Variants in ATP10B observed in about 807,000 individuals in gnomAD.
The protein encoded by ATP10B is ATPase phospholipid transporting 10B (putative), also known as phospholipid-transporting ATPase VB.
ATP10B carries 122 observed loss-of-function variants against 141.2 expected under a neutral mutation model. The observed-to-expected ratio is 0.86, with a 90% CI of 0.75 to 1.00. The LOEUF (loss-of-function observed/expected upper bound fraction) is 1.00. Among genes scored for constraint, ATP10B ranks in the 50% least tolerant of loss-of-function variants. The probability of loss-of-function intolerance (pLI) is 0.00; values close to 1 mark genes in which losing one functional copy is unlikely to be tolerated. For synonymous variants in ATP10B, 685 were observed against 692.0 expected (o/e 0.99, Z 0.16); for missense variants, 1,876 against 1,825.3 (o/e 1.03, Z -0.51).
At chr5:160,577,057 C>G (rs540196112) in intron 24 of ATP10B, among the ~76,000 whole-genome samples, 1 of 152,208 alleles carries the variant, frequency 6.6e-6, no homozygotes, top group Non-Finnish European at 1.5e-5. Flanking sequence ...GCTTCCTTCT[C>G]TGAAGGTAAT....
intron 1 of ATP10B, among the ~76,000 whole-genome samples, chr5:160,823,059 G>A (rs1366678562): frequency 7.8e-6 from 1 of 128,918 alleles, no homozygotes; most frequent in Non-Finnish European, 1.6e-5. Flanking sequence ...TAATTGGATT[G>A]TAACACAAAG....
intron 1 of ATP10B, among the ~76,000 whole-genome samples, chr5:160,828,428 T>C (rs536254083): frequency 2.0e-4 from 30 of 152,236 alleles, no homozygotes; most frequent in East Asian, 5.8e-4. Context: ...AAAGAAGACA[T>C]TGATGCAGCC....
intron 3 of ATP10B, among the ~76,000 whole-genome samples, chr5:160,715,676 G>T (rs1280476616): frequency 8.1e-6 from 1 of 124,192 alleles, no homozygotes; most frequent in South Asian, 2.5e-4. Flanking sequence ...ATTTTGAGAA[G>T]AATTTAGCTT....
chr5:160,598,811 G>T lies in ATP10B; in HGVS notation c.3523C>A (p.Leu1175Met). The change falls in exon 22 of 26, where the codon CTG (leucine) becomes ATG (methionine). Residue 1175 changes from leucine to methionine, a missense_variant. By Grantham distance (15) the Leu-to-Met change is conservative. Coordinates refer to ENST00000327245, the MANE Select transcript of ATP10B (RefSeq NM_025153.3). Reference protein sequence around the residue: ...LDKDISAETLLALPELYKSGQ... With the variant: ...LDKDISAETLMALPELYKSGQ... Reference sequence around the variant, plus strand: ...CTCTTGTATAGCTCAGGCAATGCCAGGAGTGTTTCTGCAGAGATGTCTTTG... The same window carrying T: ...CTCTTGTATAGCTCAGGCAATGCCATGAGTGTTTCTGCAGAGATGTCTTTG... The T allele has an allele frequency of 6.2e-7, 1 of 1,614,156 alleles. No homozygotes were observed. Among genetic ancestry groups the T allele is most frequent in the Non-Finnish European group, 8.5e-7 (1 of 1,180,008 alleles).
At chr5:160,652,807 TA>T (rs1760873242) in intron 7 of ATP10B, among the ~76,000 whole-genome samples, 3 of 103,830 alleles carry the variant, frequency 2.9e-5, no homozygotes, top group Non-Finnish European at 5.3e-5. Flanking sequence ...ATATATTATA[TA>T]ATATATTATA....
chr5:160,843,514 A>G (rs78582583), intron 1 of ATP10B, among the ~76,000 whole-genome samples: 5,876 of 152,202 alleles, frequency 0.039, 130 homozygotes, highest in South Asian at 0.088. Flanking sequence ...TGACAAAAAA[A>G]AAAAGCTGTT....
intron 2 of ATP10B, among the ~76,000 whole-genome samples, chr5:160,755,838 AATATATAT>A (rs1181077522): frequency 0.011 from 510 of 45,388 alleles, 10 homozygotes; most frequent in South Asian, 0.018. Flanking sequence ...AAAAAAAAAA[AATATATAT>A]ATATATATAT....
At chr5:160,656,342 G>A (rs1020312736) in intron 7 of ATP10B, among the ~76,000 whole-genome samples, 4 of 152,128 alleles carry the variant, frequency 2.6e-5, no homozygotes, top group African/African-American at 9.7e-5. Context: ...CACTCCCACT[G>A]TGGGGCTTTG....
At chr5:160,803,140 A>G (rs1581561634) in intron 1 of ATP10B, among the ~76,000 whole-genome samples, 1 of 152,132 alleles carries the variant, frequency 6.6e-6, no homozygotes, top group Admixed American at 6.5e-5. Context: ...TTGACTAGCT[A>G]TATAACTTTA....
chr5:160,920,100 G>A, the ATP10B span, among the ~76,000 whole-genome samples: 1 of 152,138 alleles, frequency 6.6e-6, no homozygotes, highest in Admixed American at 6.5e-5. Flanking sequence ...CAGTGAGAGG[G>A]GCTCAGGACA....
At chr5:160,618,088 T>C (rs1240649633) in intron 15 of ATP10B, 115 bp from the exon 16 acceptor site, 3 of 839,526 alleles carry the variant, frequency 3.6e-6, no homozygotes, top group Non-Finnish European at 3.9e-6. Flanking sequence ...AAGGAATCCC[T>C]TACAGCCCAC....
chr5:160,792,719 ACT>A (rs573927613), intron 1 of ATP10B, among the ~76,000 whole-genome samples: 13 of 151,974 alleles, frequency 8.6e-5, no homozygotes, highest in African/African-American at 3.1e-4. Context: ...GGATACACAC[ACT>A]CTCTCTTCTA....
chr5:160,718,669 C>T (rs1186329952), intron 2 of ATP10B, among the ~76,000 whole-genome samples: 1 of 152,156 alleles, frequency 6.6e-6, no homozygotes, highest in Non-Finnish European at 1.5e-5. Context: ...AACCCACTCT[C>T]ATGGGAACTA....
Position 160,715,688 on chromosome 5 carries a change from C to CTTGCTTTATTTA in ATP10B, c.-205+1220_-205+1221insTAAATAAAGCAA, listed in dbSNP as rs372405098. ...ACCATTTTGAGAAGAATTTAGCTTG[C>CTTGCTTTATTTA]TTTATTTATTTATTTATTTATTTAT... On this transcript the variant is annotated intron_variant, in intron 3 of 25. Transcript: ENST00000327245. Among the ~76,000 whole-genome samples the CTTGCTTTATTTA allele has an allele frequency of 2.8e-5, 4 of 141,664 alleles. No individual in the cohort carries two copies. In the East Asian group the frequency reaches 8.2e-4, roughly 29 times the overall value. 92.9% of individuals were successfully genotyped at this position (141,664 alleles called of 152,430 possible).
At chr5:160,881,484 G>A in the ATP10B span, among the ~76,000 whole-genome samples, 433 of 152,190 alleles carry the variant, frequency 2.8e-3, 2 homozygotes, top group Non-Finnish European at 4.4e-3. Flanking sequence ...TACAAAAACC[G>A]GCACACAGAT....
chr5:160,757,871 C>T (rs764678446), intron 2 of ATP10B, among the ~76,000 whole-genome samples: 1 of 152,142 alleles, frequency 6.6e-6, no homozygotes, highest in Non-Finnish European at 1.5e-5. Context: ...CTGTCCTGTG[C>T]ATTGTAGGGT....
chr5:160,823,974 C>G (rs146554004), intron 1 of ATP10B, among the ~76,000 whole-genome samples: 1 of 152,110 alleles, frequency 6.6e-6, no homozygotes, highest in East Asian at 1.9e-4. Context: ...CAAATAAGTA[C>G]GCAGAATAAA....
At chr5:160,769,236 T>C (rs187814546) in intron 2 of ATP10B, among the ~76,000 whole-genome samples, 1 of 152,342 alleles carries the variant, frequency 6.6e-6, no homozygotes, top group Admixed American at 6.5e-5. Context: ...CTCTTCCTTC[T>C]CACCTGAAAG....
At chr5:160,719,621 T>A (rs1479389742) in intron 2 of ATP10B, among the ~76,000 whole-genome samples, 1 of 152,188 alleles carries the variant, frequency 6.6e-6, no homozygotes, top group East Asian at 1.9e-4. Flanking sequence ...ATTCAAGAGA[T>A]CCGTATGTAA....
Sources: gnomAD v4.1 joint callset for allele counts (sites outside exome capture counted in the v4.1 genomes callset) on GRCh38, gnomAD v4.1.1 for gene constraint, MANE v1.5 for transcripts, NCBI Gene and HGNC (gene_info 2026-07-23, HGNC 2026-07-21) for gene names.